Variants in AUH observed in about 807,000 individuals in gnomAD.
The protein encoded by AUH is AU RNA binding methylglutaconyl-CoA hydratase.
A neutral mutation model predicts 42.3 loss-of-function variants in AUH; 29 were observed. That is an observed-to-expected ratio of 0.69 (90% CI 0.51 to 0.93). AUH has a LOEUF of 0.93. AUH is among the 40% of genes least tolerant of loss of function. The pLI, the probability that AUH is intolerant of heterozygous loss-of-function variation, is 0.00. For missense variants in AUH, 452 were observed against 438.1 expected, an observed-to-expected ratio of 1.03 and a Z score of -0.28; for synonymous variants, 174 against 166.4, an observed-to-expected ratio of 1.05 and a Z score of -0.35.
intron 4 of AUH, among the ~76,000 whole-genome samples, chr9:91,319,774 G>A (rs538586817): frequency 6.6e-6 from 1 of 152,274 alleles, no homozygotes; most frequent in South Asian, 2.1e-4. Context: ...CCACCCCAAG[G>A]GAAGAATCAC....
At chr9:91,337,645 G>C (rs1325466805) in intron 3 of AUH, among the ~76,000 whole-genome samples, 1 of 152,104 alleles carries the variant, frequency 6.6e-6, no homozygotes, top group Non-Finnish European at 1.5e-5. Context: ...TAAACTACAG[G>C]AATTTCAGAA....
At chr9:91,286,758 A>G (rs1826443897) in intron 6 of AUH, among the ~76,000 whole-genome samples, 1 of 151,642 alleles carries the variant, frequency 6.6e-6, no homozygotes, top group Non-Finnish European at 1.5e-5. Context: ...CTACCTATCT[A>G]CCTACCTACC....
At chr9:91,355,743 C>T in intron 3 of AUH, 140 bp downstream of exon 3, 34 of 725,478 alleles carry the variant, frequency 4.7e-5, no homozygotes, top group African/African-American at 1.1e-4. Context: ...ATGTTTTTTT[C>T]TTGTGAATCA....
intron 6 of AUH, among the ~76,000 whole-genome samples, chr9:91,224,376 G>C (rs1827314191): frequency 6.6e-6 from 1 of 152,082 alleles, no homozygotes. Flanking sequence ...ATCAGATATA[G>C]ACTTGCAAAT....
chr9:91,233,048 G>A (rs766099350), intron 6 of AUH, among the ~76,000 whole-genome samples: 3 of 152,130 alleles, frequency 2.0e-5, no homozygotes, highest in Non-Finnish European at 4.4e-5. Context: ...ACTATGGAGG[G>A]ACCCTGTTTT....
intron 4 of AUH, among the ~76,000 whole-genome samples, chr9:91,315,262 G>A (rs1220933808): frequency 6.6e-6 from 1 of 152,184 alleles, no homozygotes; most frequent in East Asian, 1.9e-4. Context: ...TTTGACAGCA[G>A]AGGTCCCAAG....
intron 4 of AUH, among the ~76,000 whole-genome samples, chr9:91,300,202 C>T (rs1827675870): frequency 6.6e-6 from 1 of 152,030 alleles, no homozygotes; most frequent in South Asian, 2.1e-4. Flanking sequence ...AGCCTTCTTC[C>T]CCTCTCAATA....
chr9:91,240,310 G>C (rs950784209), intron 6 of AUH, among the ~76,000 whole-genome samples: 3 of 152,138 alleles, frequency 2.0e-5, no homozygotes, highest in African/African-American at 7.2e-5. Flanking sequence ...GTGCTGTCTT[G>C]AGGCTGTGAA....
chr9:91,259,764 T>C (rs1057225466), intron 6 of AUH, among the ~76,000 whole-genome samples: 1 of 152,188 alleles, frequency 6.6e-6, no homozygotes, highest in African/African-American at 2.4e-5. Flanking sequence ...TTTTTATTTC[T>C]AATTTAATTC....
intron 4 of AUH, among the ~76,000 whole-genome samples, chr9:91,322,248 C>T (rs540499353): frequency 6.6e-6 from 1 of 152,270 alleles, no homozygotes; most frequent in African/African-American, 2.4e-5. Flanking sequence ...ATCCACAGAA[C>T]AGAAAGACAC....
chr9:91,360,366 C>T (rs1267824712), intron 1 of AUH: 1 of 152,258 alleles, frequency 6.6e-6, no homozygotes, highest in Non-Finnish European at 1.5e-5. Context: ...TTATGCCACA[C>T]TTGCCTTATG....
At chr9:91,240,294 C>T (rs76015337) in intron 6 of AUH, among the ~76,000 whole-genome samples, 3,896 of 152,286 alleles carry the variant, frequency 0.026, 81 homozygotes, top group East Asian at 0.059. Context: ...ACCCCTCCGC[C>T]TTTGAGTGCT....
intron 6 of AUH, among the ~76,000 whole-genome samples, chr9:91,256,382 C>G (rs1002342914): frequency 6.6e-6 from 1 of 152,092 alleles, no homozygotes; most frequent in Non-Finnish European, 1.5e-5. Flanking sequence ...ACCCCAGATT[C>G]TAAAGACAGC....
At chr9:91,251,891 G>A (rs1270522369) in intron 6 of AUH, among the ~76,000 whole-genome samples, 1 of 152,170 alleles carries the variant, frequency 6.6e-6, no homozygotes, top group African/African-American at 2.4e-5. Context: ...AAGTCTAACT[G>A]AGCTCCAGAT....
At chr9:91,232,840 T>A (rs1827965904) in intron 6 of AUH, among the ~76,000 whole-genome samples, 1 of 152,222 alleles carries the variant, frequency 6.6e-6, no homozygotes, top group Non-Finnish European at 1.5e-5. Flanking sequence ...GGCAGCAGAA[T>A]CTACTAACCC....
intron 6 of AUH, among the ~76,000 whole-genome samples, chr9:91,264,468 G>A (rs1829864528): frequency 6.6e-6 from 1 of 152,148 alleles, no homozygotes; most frequent in African/African-American, 2.4e-5. Context: ...ATTTGGAATG[G>A]CTGTTTTCTG....
chr9:91,230,432 G>A (rs2131284527), intron 6 of AUH, among the ~76,000 whole-genome samples: 1 of 150,642 alleles, frequency 6.6e-6, no homozygotes, highest in Non-Finnish European at 1.5e-5. Context: ...TCTCTGTATT[G>A]GTTATTCTAG....
intron 4 of AUH, among the ~76,000 whole-genome samples, chr9:91,310,729 A>G (rs551806446): frequency 6.6e-6 from 1 of 152,236 alleles, no homozygotes; most frequent in Non-Finnish European, 1.5e-5. Context: ...ATGCTGAAAT[A>G]TAATGGAACT....
chr9:91,276,414 C>CAAA (rs58728272), intron 6 of AUH, among the ~76,000 whole-genome samples: 2 of 110,346 alleles, frequency 1.8e-5, no homozygotes, highest in African/African-American at 3.2e-5. Flanking sequence ...CCCTGTCTCC[C>CAAA]AAAAAAAAAA....
Sources: gnomAD v4.1 joint callset for allele counts (sites outside exome capture counted in the v4.1 genomes callset) on GRCh38, gnomAD v4.1.1 for gene constraint, MANE v1.5 for transcripts, NCBI Gene and HGNC (gene_info 2026-07-23, HGNC 2026-07-21) for gene names.